GPC5: variants seen among roughly 807,000 people sequenced by gnomAD.
GPC5 encodes the protein glypican-5.
GPC5 carries 47 observed loss-of-function variants against 53.9 expected under a neutral mutation model. That is an observed-to-expected ratio of 0.87 (90% CI 0.69 to 1.11). The LOEUF is 1.11. Among genes scored for constraint, GPC5 ranks in the 50% most tolerant of loss-of-function variants. The pLI, the probability that GPC5 is intolerant of heterozygous loss-of-function variation, is 0.00. For missense variants in GPC5, 748 were observed against 713.1 expected, an observed-to-expected ratio of 1.05 and a Z score of -0.56; for synonymous variants, 286 against 263.3, an observed-to-expected ratio of 1.09 and a Z score of -0.84.
chr13:91,549,167 G>A (rs1352358226), intron 2 of GPC5, among the ~76,000 whole-genome samples: 2 of 151,982 alleles, frequency 1.3e-5, no homozygotes, highest in African/African-American at 4.8e-5. Flanking sequence ...TACTCGTGAG[G>A]CTGAGGCAGG....
chr13:92,411,979 T>C (rs1172855871), intron 7 of GPC5, among the ~76,000 whole-genome samples: 1 of 152,146 alleles, frequency 6.6e-6, no homozygotes, highest in Non-Finnish European at 1.5e-5. Context: ...TAAATATCTA[T>C]CTCTGTGTAG....
intron 7 of GPC5, among the ~76,000 whole-genome samples, chr13:92,196,915 C>T (rs570062144): frequency 7.9e-5 from 12 of 152,272 alleles, no homozygotes; most frequent in Admixed American, 7.8e-4. Context: ...GAATGACATG[C>T]TCCTAAGTTA....
At chr13:92,253,097 A>T (rs1317029638) in intron 7 of GPC5, among the ~76,000 whole-genome samples, 1 of 152,130 alleles carries the variant, frequency 6.6e-6, no homozygotes, top group Non-Finnish European at 1.5e-5. Context: ...TAAGATGGGG[A>T]GTATTTTGCC....
chr13:92,859,460 T>G (rs2089254082), intron 7 of GPC5, among the ~76,000 whole-genome samples: 1 of 152,138 alleles, frequency 6.6e-6, no homozygotes, highest in South Asian at 2.1e-4. Context: ...ATTTTAATTT[T>G]TAATAGCACT....
At chr13:92,192,943 A>G (rs1168995116) in intron 7 of GPC5, among the ~76,000 whole-genome samples, 4 of 152,150 alleles carry the variant, frequency 2.6e-5, no homozygotes, top group South Asian at 2.1e-4. Context: ...TTGGGAGGTC[A>G]AGGCGGGCGG....
chr13:91,973,330 G>T (rs1162414539), intron 6 of GPC5, among the ~76,000 whole-genome samples: 1 of 152,096 alleles, frequency 6.6e-6, no homozygotes, highest in Non-Finnish European at 1.5e-5. Flanking sequence ...GCTCCTTTAA[G>T]GACTTCTCTG....
At chr13:92,574,427 CT>C (rs1283656754) in intron 7 of GPC5, among the ~76,000 whole-genome samples, 1 of 152,026 alleles carries the variant, frequency 6.6e-6, no homozygotes, top group Non-Finnish European at 1.5e-5. Flanking sequence ...GTATTTTCAC[CT>C]GAAGAGTTTC....
At chr13:91,835,432 C>A (rs1443563061) in intron 5 of GPC5, among the ~76,000 whole-genome samples, 11 of 152,170 alleles carry the variant, frequency 7.2e-5, no homozygotes, top group Admixed American at 7.2e-4. Context: ...AAGACACATG[C>A]ACACATATGT....
intron 6 of GPC5, among the ~76,000 whole-genome samples, chr13:91,947,599 C>T (rs2039985489): frequency 6.6e-6 from 1 of 152,058 alleles, no homozygotes; most frequent in Non-Finnish European, 1.5e-5. Flanking sequence ...TTGACAAGCT[C>T]ATATAATTCT....
intron 2 of GPC5, among the ~76,000 whole-genome samples, chr13:91,483,214 G>A (rs1274297142): frequency 6.6e-6 from 1 of 152,118 alleles, no homozygotes; most frequent in Non-Finnish European, 1.5e-5. Flanking sequence ...AAGATAAAAC[G>A]AGTTTTCCTC....
chr13:91,871,088 T>A (rs1197809525), intron 5 of GPC5, among the ~76,000 whole-genome samples: 2 of 152,240 alleles, frequency 1.3e-5, no homozygotes, highest in African/African-American at 4.8e-5. Context: ...GTTATGTGCC[T>A]GCATTTTTCC....
chr13:91,706,410 T>G (rs892705870), intron 3 of GPC5, among the ~76,000 whole-genome samples: 1 of 152,144 alleles, frequency 6.6e-6, no homozygotes, highest in Non-Finnish European at 1.5e-5. Flanking sequence ...TTGCCGTGCT[T>G]CTTCTTGTAA....
intron 2 of GPC5, among the ~76,000 whole-genome samples, chr13:91,638,856 T>C (rs1469967688): frequency 6.6e-6 from 1 of 152,240 alleles, no homozygotes; most frequent in Non-Finnish European, 1.5e-5. Flanking sequence ...TTATTAGCTT[T>C]TGGGATGAAT....
At chr13:92,345,889 G>C (rs1033186016) in intron 7 of GPC5, among the ~76,000 whole-genome samples, 1 of 152,124 alleles carries the variant, frequency 6.6e-6, no homozygotes. Context: ...TACAGATCTC[G>C]CTGGTATTTT....
intron 7 of GPC5, among the ~76,000 whole-genome samples, chr13:92,315,322 C>T (rs1447395113): frequency 6.6e-6 from 1 of 152,048 alleles, no homozygotes; most frequent in African/African-American, 2.4e-5. Flanking sequence ...AAATTGGGCT[C>T]CTCAATCATC....
rs1000971146 is a variant in GPC5, at chr13:92,813,361, C to T, written c.1562-52921C>T. On this transcript the variant is annotated intron_variant, in intron 7 of 7. Coordinates refer to ENST00000377067, the MANE Select transcript of GPC5 (RefSeq NM_004466.6). ...TAGACACAATTCATAATAATGAACA[C>T]GTTTTAAATAAAAACGTAGTTCTTA... Among the ~76,000 whole-genome samples the T allele has an allele frequency of 4.6e-5, 7 of 151,960 alleles. No homozygotes were observed. In the South Asian group the frequency reaches 6.2e-4, roughly 14 times the overall value.
chr13:92,512,873 G>A (rs1860772963), intron 7 of GPC5, among the ~76,000 whole-genome samples: 1 of 152,168 alleles, frequency 6.6e-6, no homozygotes, highest in East Asian at 1.9e-4. Flanking sequence ...ACTAGTAATA[G>A]GAGTAGCTAC....
At chr13:92,490,103 G>A (rs1326106502) in intron 7 of GPC5, 1 of 154,132 alleles carries the variant, frequency 6.5e-6, no homozygotes, top group Non-Finnish European at 1.5e-5. Context: ...TCAGCGCATT[G>A]TTTCCCGAAA....
At chr13:91,923,873 T>C (rs956387220) in intron 6 of GPC5, among the ~76,000 whole-genome samples, 1 of 152,146 alleles carries the variant, frequency 6.6e-6, no homozygotes, top group African/African-American at 2.4e-5. Context: ...CTTGTCGGCT[T>C]TTAATTATGA....
Sources: allele counts gnomAD v4.1 joint callset (sites outside exome capture counted in the v4.1 genomes callset), GRCh38; gene constraint gnomAD v4.1.1; transcripts MANE v1.5; gene names NCBI Gene and HGNC (gene_info 2026-07-23, HGNC 2026-07-21).